The following WWOX variants were observed in gnomAD, a reference collection of about 807,000 sequenced individuals.
WWOX encodes the protein WW domain containing oxidoreductase.
In WWOX, 69 loss-of-function variants were observed where a neutral mutation model predicts 46.2. That is an observed-to-expected ratio of 1.49 (90% CI 1.23 to 1.82). The LOEUF (loss-of-function observed/expected upper bound fraction) is 1.82. WWOX is among the 40% of genes most tolerant of loss of function. WWOX has a pLI of 0.00. For missense variants in WWOX, 919 were observed against 542.6 expected, an observed-to-expected ratio of 1.69 and a Z score of -6.89; for synonymous variants, 359 against 202.6, an observed-to-expected ratio of 1.77 and a Z score of -6.56.
intron 4 of WWOX, among the ~76,000 whole-genome samples, chr16:78,155,605 A>C (rs750980116): frequency 6.6e-6 from 1 of 152,184 alleles, no homozygotes; most frequent in African/African-American, 2.4e-5. Flanking sequence ...TCTTGGTATT[A>C]TTAGGTTTAC....
At chr16:79,185,024 A>G (rs1036627377) in intron 8 of WWOX, among the ~76,000 whole-genome samples, 1 of 152,220 alleles carries the variant, frequency 6.6e-6, no homozygotes, top group African/African-American at 2.4e-5. Context: ...GGAAACACAC[A>G]AATAATTTGA....
chr16:78,738,131 G>A (rs1181037298), intron 8 of WWOX, among the ~76,000 whole-genome samples: 2 of 152,056 alleles, frequency 1.3e-5, no homozygotes, highest in African/African-American at 4.8e-5. Flanking sequence ...AGTTCAATTA[G>A]GTAAAGTGAC....
At chr16:79,164,342 G>A (rs899273730) in intron 8 of WWOX, among the ~76,000 whole-genome samples, 1 of 152,122 alleles carries the variant, frequency 6.6e-6, no homozygotes, top group African/African-American at 2.4e-5. Context: ...GGCCATGATT[G>A]CTTTTAGATT....
chr16:79,016,194 CT>C (rs1197321661), intron 8 of WWOX: 1 of 152,226 alleles, frequency 6.6e-6, no homozygotes, highest in African/African-American at 2.4e-5. Context: ...CTGGCAGCTT[CT>C]GAAGGCTTCT....
intron 4 of WWOX, among the ~76,000 whole-genome samples, chr16:78,132,800 T>G (rs1241819338): frequency 6.6e-6 from 1 of 152,232 alleles, no homozygotes; most frequent in Non-Finnish European, 1.5e-5. Context: ...AGCTGAGCTC[T>G]GCTAATGCTG....
At chr16:78,625,819 T>C (rs539955651) in intron 8 of WWOX, among the ~76,000 whole-genome samples, 2 of 147,638 alleles carry the variant, frequency 1.4e-5, no homozygotes, top group African/African-American at 5.0e-5. Context: ...CAAAAGTAAT[T>C]GGCAAATGGC....
At chr16:79,108,137 C>T (rs2049346388) in intron 8 of WWOX, among the ~76,000 whole-genome samples, 1 of 152,174 alleles carries the variant, frequency 6.6e-6, no homozygotes. Context: ...AACCTAAATT[C>T]ATAAAATAGG....
At chr16:78,468,561 A>C (rs891142478) in intron 8 of WWOX, among the ~76,000 whole-genome samples, 1 of 152,058 alleles carries the variant, frequency 6.6e-6, no homozygotes, top group Non-Finnish European at 1.5e-5. Flanking sequence ...CTTCCCTTGT[A>C]GCTTGATAGT....
At chr16:78,715,530 C>G (rs947185265) in intron 8 of WWOX, among the ~76,000 whole-genome samples, 1 of 149,302 alleles carries the variant, frequency 6.7e-6, no homozygotes, top group Non-Finnish European at 1.5e-5. Context: ...GTTGTCCAGG[C>G]TGGAGTGCAG....
intron 8 of WWOX, among the ~76,000 whole-genome samples, chr16:78,501,181 C>CTCTT (rs111528097): frequency 0.11 from 11,781 of 108,598 alleles, 1,303 homozygotes; most frequent in South Asian, 0.23. Flanking sequence ...TTCTTTCTCT[C>CTCTT]TCTTTCTTTC....
chr16:78,593,212 T>TC (rs1226239901), intron 8 of WWOX, among the ~76,000 whole-genome samples: 1 of 151,848 alleles, frequency 6.6e-6, no homozygotes, highest in Non-Finnish European at 1.5e-5. Context: ...TCCTGATTTT[T>TC]TTTTTATGTG....
intron 1 of WWOX, 120 bp downstream of exon 1, chr16:78,100,005 T>C: frequency 6.7e-7 from 1 of 1,487,820 alleles, no homozygotes; most frequent in Non-Finnish European, 8.9e-7. Flanking sequence ...TGAAAGTAAC[T>C]GTTAAGGAGC....
At chr16:78,271,930 T>C (rs2079484233) in intron 5 of WWOX, among the ~76,000 whole-genome samples, 1 of 152,178 alleles carries the variant, frequency 6.6e-6, no homozygotes, top group Non-Finnish European at 1.5e-5. Context: ...TTAACAAGCA[T>C]TGTGTGCAGC....
At chr16:78,537,423 A>T (rs1331694606) in intron 8 of WWOX, among the ~76,000 whole-genome samples, 2 of 152,220 alleles carry the variant, frequency 1.3e-5, no homozygotes, top group African/African-American at 4.8e-5. Flanking sequence ...TTTCTCACTG[A>T]CTATAGATGT....
chr16:78,882,069 C>T (rs906702008), intron 8 of WWOX, among the ~76,000 whole-genome samples: 1 of 151,826 alleles, frequency 6.6e-6, no homozygotes, highest in Non-Finnish European at 1.5e-5. Flanking sequence ...GAGGTTGCAG[C>T]GAGCCGAGAT....
chr16:78,306,095 C>T (rs903610931), intron 5 of WWOX, among the ~76,000 whole-genome samples: 5 of 151,976 alleles, frequency 3.3e-5, no homozygotes, highest in African/African-American at 7.3e-5. Flanking sequence ...ATTTGCGTCT[C>T]GCTGCCTGTC....
At chr16:78,572,918 C>G (rs1320841650) in intron 8 of WWOX, among the ~76,000 whole-genome samples, 1 of 152,094 alleles carries the variant, frequency 6.6e-6, no homozygotes, top group Non-Finnish European at 1.5e-5. Context: ...AGTGTACACA[C>G]ATTGCTTATG....
rs1288886752 is a variant in WWOX at position 78,435,370 on chromosome 16, C to A, written c.1056+2618C>A. Among the ~76,000 whole-genome samples, 3 of 152,210 alleles carry A rather than the reference C, an allele frequency of 2.0e-5. 1 individual carries two copies. The highest frequency in any genetic ancestry group is 4.4e-5 in the Non-Finnish European group (3 of 68,048). ...ACTGCAGTCTCTCCTATTTCCCTGG[C>A]AGGAGAGCTCAGAGACTACTTGTGA... On this transcript the variant is annotated intron_variant, in intron 8 of 8. Coordinates refer to ENST00000566780, the MANE Select transcript of WWOX (RefSeq NM_016373.4).
At chr16:78,138,812 A>G (rs1269137047) in intron 4 of WWOX, among the ~76,000 whole-genome samples, 2 of 152,180 alleles carry the variant, frequency 1.3e-5, no homozygotes, top group African/African-American at 4.8e-5. Context: ...CACTCCACGG[A>G]TGTGAGTGGG....
Sources: allele counts gnomAD v4.1 joint callset (sites outside exome capture counted in the v4.1 genomes callset), GRCh38; gene constraint gnomAD v4.1.1; transcripts MANE v1.5; gene names NCBI Gene and HGNC (gene_info 2026-07-23, HGNC 2026-07-21).